Variants in ANKRD26 observed in about 807,000 individuals in gnomAD.
ANKRD26 encodes ankyrin repeat domain-containing protein 26.
A neutral mutation model predicts 208.7 loss-of-function variants in ANKRD26; 141 were observed. The ratio of observed to expected loss-of-function variants is 0.68; its 90% CI spans 0.59 to 0.78. ANKRD26 has a LOEUF of 0.78. Among genes scored for constraint, ANKRD26 ranks in the 30% least tolerant of loss-of-function variants. The pLI, the probability that ANKRD26 is intolerant of heterozygous loss-of-function variation, is 0.00. For missense variants in ANKRD26, 1,889 were observed against 1,938.7 expected (o/e 0.97, Z 0.48); for synonymous variants, 636 against 660.4 (o/e 0.96, Z 0.57).
intron 4 of ANKRD26, among the ~76,000 whole-genome samples, chr10:27,087,963 T>G (rs138692865): frequency 6.6e-6 from 1 of 152,200 alleles, no homozygotes; most frequent in East Asian, 1.9e-4. Context: ...CTTCATTATT[T>G]TTTGTACCAA....
At chr10:27,065,859 C>CTTTTTTTTTTTTTTTTTTT (rs767106612) in intron 11 of ANKRD26, among the ~76,000 whole-genome samples, 1 of 72,960 alleles carries the variant, frequency 1.4e-5, no homozygotes, top group Non-Finnish European at 2.5e-5. Context: ...ATAATTCTTT[C>CTTTTTTTTTTTTTTTTTTT]TTTTTTTTTT....
chr10:27,019,193 T>C (rs1373358510), intron 29 of ANKRD26, among the ~76,000 whole-genome samples: 1 of 151,704 alleles, frequency 6.6e-6, no homozygotes, highest in Non-Finnish European at 1.5e-5. Context: ...GGCAGGAAAA[T>C]GGCATGAACC....
downstream of ANKRD26, among the ~76,000 whole-genome samples, chr10:26,969,827 T>A (rs140411870): frequency 0.08 from 11,906 of 147,958 alleles, 1,538 homozygotes; most frequent in African/African-American, 0.27. Flanking sequence ...TTTTTTTTTT[T>A]AATTTTTATT....
At chr10:27,021,080 C>G (rs2053471601) in intron 29 of ANKRD26, among the ~76,000 whole-genome samples, 1 of 152,184 alleles carries the variant, frequency 6.6e-6, no homozygotes, top group Admixed American at 6.5e-5. Context: ...GATCCTGTCA[C>G]CCAGATTCTG....
At chr10:26,968,830 C>T (rs993741929), downstream of ANKRD26, among the ~76,000 whole-genome samples, 5 of 152,154 alleles carry the variant, frequency 3.3e-5, no homozygotes, top group Non-Finnish European at 7.4e-5. Flanking sequence ...TGCTGTAATA[C>T]ATTATTACTT....
At chr10:26,994,478 C>T (rs1332857617) in intron 5 of ANKRD26, among the ~76,000 whole-genome samples, 1 of 152,158 alleles carries the variant, frequency 6.6e-6, no homozygotes, top group Admixed American at 6.5e-5. Context: ...TTTCAGTTTG[C>T]AGAGACAGGT....
rs140156359 is a variant in ANKRD26 at position 26,977,049 on chromosome 10, G to A, written c.*282-1007C>T. 1.4e-4 allele frequency among the ~76,000 whole-genome samples: 21 copies of A among 152,152 alleles called. No homozygotes were observed. The East Asian group carries it at 1.7e-3, about 13-fold the overall frequency. On this transcript the variant is annotated intron_variant and NMD_transcript_variant, in intron 5 of 5. Transcript: ENST00000674670. ...CATTTATCAAACCGTCCCCACCCCC[G>A]GAAACTTCGATGCTTCAAGCAATAG...
intron 4 of ANKRD26, among the ~76,000 whole-genome samples, chr10:27,089,988 C>A (rs1052495729): frequency 3.9e-5 from 6 of 152,146 alleles, no homozygotes; most frequent in African/African-American, 7.2e-5. Flanking sequence ...TGTTAACTAG[C>A]CTTTTATTGT....
chr10:27,088,994 C>T (rs564282949), intron 4 of ANKRD26, among the ~76,000 whole-genome samples: 2 of 152,274 alleles, frequency 1.3e-5, no homozygotes, highest in Admixed American at 1.3e-4. Flanking sequence ...GAGCAGGGTG[C>T]TGGTGCTTTA....
rs189825732 is a variant in ANKRD26, at chr10:26,980,067, T to C, written c.*281+509A>G. Among the ~76,000 whole-genome samples the C allele has an allele frequency of 9.2e-5, 14 of 152,344 alleles. No homozygotes were observed. The East Asian group carries it at 2.1e-3, about 23-fold the overall frequency. ...TCATCATCTGGTCTGTTTTGAAAGT[T>C]TGCATTTAATAAGCGCCATTTTTAT... On this transcript the variant is annotated intron_variant and NMD_transcript_variant, in intron 5 of 5. Transcript: ENST00000674670.
intron 20 of ANKRD26, among the ~76,000 whole-genome samples, chr10:27,040,411 G>C (rs2054195742): frequency 1.3e-5 from 2 of 152,160 alleles, no homozygotes; most frequent in Non-Finnish European, 2.9e-5. Context: ...TGACAATTAT[G>C]AATTCAGATA....
chr10:26,951,019 C>CTTTTTTT, the ANKRD26 span, among the ~76,000 whole-genome samples: 28 of 48,550 alleles, frequency 5.8e-4, 1 homozygote, highest in South Asian at 4.6e-3. Context: ...TTTTCTTTTT[C>CTTTTTTT]TTTTTTTTTT....
intron 1 of ANKRD26, among the ~76,000 whole-genome samples, chr10:27,095,708 T>C (rs1243966449): frequency 2.6e-5 from 4 of 152,188 alleles, no homozygotes; most frequent in African/African-American, 7.2e-5. Context: ...AAAGCTTCAA[T>C]TGAGATTGCC....
chr10:26,965,047 G>T, the ANKRD26 span, among the ~76,000 whole-genome samples: 2 of 151,994 alleles, frequency 1.3e-5, no homozygotes, highest in Non-Finnish European at 2.9e-5. Context: ...GAAAAGCTTG[G>T]GTCAGGGACA....
At chr10:26,986,136 C>G (rs1042425157) in intron 3 of ANKRD26, among the ~76,000 whole-genome samples, 5 of 152,168 alleles carry the variant, frequency 3.3e-5, no homozygotes, top group South Asian at 2.1e-4. Context: ...ATATCTACAA[C>G]TATCTGATCT....
intron 25 of ANKRD26, chr10:27,030,575 T>C: frequency 1.0e-6 from 1 of 985,412 alleles, no homozygotes; most frequent in Non-Finnish European, 1.2e-6. Context: ...GGGAAAGCGG[T>C]ATGAATCTAC....
At chr10:27,076,754 T>C (rs2055713125) in intron 9 of ANKRD26, among the ~76,000 whole-genome samples, 1 of 151,720 alleles carries the variant, frequency 6.6e-6, no homozygotes. Context: ...TAGAGGAAAC[T>C]GAAAAATTCC....
intron 25 of ANKRD26, among the ~76,000 whole-genome samples, chr10:27,032,163 T>A (rs1214548896): frequency 6.6e-6 from 1 of 152,170 alleles, no homozygotes; most frequent in Non-Finnish European, 1.5e-5. Context: ...ATATTATTTT[T>A]AAAAATGTGC....
intron 4 of ANKRD26, among the ~76,000 whole-genome samples, chr10:27,087,292 T>A (rs1026527093): frequency 5.9e-5 from 9 of 152,220 alleles, no homozygotes; most frequent in African/African-American, 2.2e-4. Context: ...ATAAGGATTT[T>A]ACTGCCTTAT....
Sources: gnomAD v4.1 joint callset for allele counts (sites outside exome capture counted in the v4.1 genomes callset) on GRCh38, gnomAD v4.1.1 for gene constraint, MANE v1.5 for transcripts, NCBI Gene and HGNC (gene_info 2026-07-23, HGNC 2026-07-21) for gene names.